The following ROBO2 variants were observed in gnomAD, a reference collection of about 807,000 sequenced individuals.
The protein encoded by ROBO2 is roundabout homolog 2.
ROBO2 carries 53 observed loss-of-function variants against 160.8 expected under a neutral mutation model. The ratio of observed to expected loss-of-function variants is 0.33; its 90% CI spans 0.26 to 0.41. ROBO2 has a LOEUF of 0.41. ROBO2 is among the 10% of genes least tolerant of loss of function. The pLI is 1.00. For synonymous variants in ROBO2, 664 were observed against 611.7 expected, an observed-to-expected ratio of 1.09 and a Z score of -1.26; for missense variants, 1,577 against 1,722.4, an observed-to-expected ratio of 0.92 and a Z score of 1.49.
chr3:77,255,135 A>T (rs1006266895), intron 2 of ROBO2, among the ~76,000 whole-genome samples: 1 of 152,238 alleles, frequency 6.6e-6, no homozygotes, highest in Non-Finnish European at 1.5e-5. Flanking sequence ...GGACAGAGAA[A>T]TGTAAGGTTA....
intron 2 of ROBO2, among the ~76,000 whole-genome samples, chr3:76,631,044 A>G (rs958661764): frequency 6.6e-6 from 1 of 152,206 alleles, no homozygotes; most frequent in Non-Finnish European, 1.5e-5. Context: ...CTTTCAGCAA[A>G]GAGTTAATGG....
intron 2 of ROBO2, among the ~76,000 whole-genome samples, chr3:76,789,851 A>G (rs1272238876): frequency 6.6e-6 from 1 of 151,656 alleles, no homozygotes; most frequent in Non-Finnish European, 1.5e-5. Context: ...CCATGAGGAA[A>G]CTTTTTATTC....
chr3:75,939,730 T>G (rs1455644237), intron 2 of ROBO2, among the ~76,000 whole-genome samples: 3 of 152,158 alleles, frequency 2.0e-5, no homozygotes, highest in Non-Finnish European at 2.9e-5. Flanking sequence ...ATCATTTAGA[T>G]CAATAAGCCT....
intron 2 of ROBO2, among the ~76,000 whole-genome samples, chr3:77,211,729 T>A (rs1483363198): frequency 6.6e-6 from 1 of 152,222 alleles, no homozygotes; most frequent in African/African-American, 2.4e-5. Flanking sequence ...AAGTCTTTAA[T>A]CCCTCTTGAA....
chr3:76,384,192 T>C (rs1253165780), intron 2 of ROBO2, among the ~76,000 whole-genome samples: 1 of 152,244 alleles, frequency 6.6e-6, no homozygotes, highest in East Asian at 1.9e-4. Flanking sequence ...AGTGGTTTTC[T>C]TGTAATTATT....
At chr3:76,772,301 C>G (rs2061954474) in intron 2 of ROBO2, among the ~76,000 whole-genome samples, 1 of 150,690 alleles carries the variant, frequency 6.6e-6, no homozygotes, top group Non-Finnish European at 1.5e-5. Flanking sequence ...AGAGTGCTTT[C>G]TCAATATGTT....
intron 2 of ROBO2, among the ~76,000 whole-genome samples, chr3:76,470,074 T>A (rs2078576735): frequency 6.6e-6 from 1 of 152,188 alleles, no homozygotes; most frequent in African/African-American, 2.4e-5. Context: ...ATTGTATGTC[T>A]TATTATCTCT....
At chr3:76,479,117 A>G (rs2079083263) in intron 2 of ROBO2, among the ~76,000 whole-genome samples, 1 of 152,170 alleles carries the variant, frequency 6.6e-6, no homozygotes, top group South Asian at 2.1e-4. Flanking sequence ...ATCCTTTCAC[A>G]TATCTTAACA....
At chr3:77,063,399 A>T (rs2066518949) in intron 1 of ROBO2, among the ~76,000 whole-genome samples, 1 of 152,316 alleles carries the variant, frequency 6.6e-6, no homozygotes, top group African/African-American at 2.4e-5. Flanking sequence ...ACAGGAGCAA[A>T]GTGTGTGAAA....
chr3:75,920,282 A>G (rs1248953232), intron 1 of ROBO2, among the ~76,000 whole-genome samples: 1 of 152,126 alleles, frequency 6.6e-6, no homozygotes. Context: ...TAATTTTGCT[A>G]TTTACCCAGT....
At chr3:76,599,170 C>T (rs1402979795) in intron 2 of ROBO2, among the ~76,000 whole-genome samples, 1 of 152,154 alleles carries the variant, frequency 6.6e-6, no homozygotes, top group Non-Finnish European at 1.5e-5. Context: ...TTTCATCACC[C>T]ATGTACTAAG....
intron 2 of ROBO2, among the ~76,000 whole-genome samples, chr3:76,038,656 A>G (rs1576591273): frequency 6.6e-6 from 1 of 151,802 alleles, no homozygotes; most frequent in Non-Finnish European, 1.5e-5. Flanking sequence ...GCTTCTCTCT[A>G]CTTTCCTAGC....
intron 2 of ROBO2, among the ~76,000 whole-genome samples, chr3:76,374,275 A>C (rs567716116): frequency 1.3e-5 from 2 of 152,118 alleles, no homozygotes; most frequent in South Asian, 4.1e-4. Context: ...GAAATCTGAA[A>C]TCTCCTCTCT....
intron 2 of ROBO2, among the ~76,000 whole-genome samples, chr3:77,385,007 G>C (rs894877349): frequency 6.6e-6 from 1 of 151,986 alleles, no homozygotes; most frequent in Non-Finnish European, 1.5e-5. Flanking sequence ...AAATATGAAG[G>C]GTTTTTTGTT....
intron 2 of ROBO2, among the ~76,000 whole-genome samples, chr3:76,065,400 A>G (rs1018504957): frequency 3.3e-5 from 5 of 152,106 alleles, no homozygotes; most frequent in African/African-American, 4.8e-5. Flanking sequence ...ATATGATTCA[A>G]AAATCATTTG....
chr3:76,727,459 A>C (rs1175761706), intron 2 of ROBO2, among the ~76,000 whole-genome samples: 5 of 152,154 alleles, frequency 3.3e-5, no homozygotes, highest in African/African-American at 9.7e-5. Context: ...TTTTATTTTC[A>C]TTCATTCAAC....
At chr3:76,506,423 T>C (rs1011651247) in intron 2 of ROBO2, among the ~76,000 whole-genome samples, 32 of 152,304 alleles carry the variant, frequency 2.1e-4, no homozygotes, top group African/African-American at 7.5e-4. Context: ...CATCCTTCAA[T>C]GTATCCTTCG....
chr3:76,870,133 T>C (rs1218666586), intron 2 of ROBO2, among the ~76,000 whole-genome samples: 1 of 152,184 alleles, frequency 6.6e-6, no homozygotes, highest in African/African-American at 2.4e-5. Context: ...CTACTAGAAT[T>C]TGCAAATTTT....
chr3:76,747,607 T>C (rs1327237048), intron 2 of ROBO2, among the ~76,000 whole-genome samples: 1 of 152,006 alleles, frequency 6.6e-6, no homozygotes, highest in Non-Finnish European at 1.5e-5. Context: ...TAAAATATAG[T>C]TAAGAATTTT....
Sources: allele counts gnomAD v4.1 joint callset (sites outside exome capture counted in the v4.1 genomes callset), GRCh38; gene constraint gnomAD v4.1.1; transcripts MANE v1.5; gene names NCBI Gene and HGNC (gene_info 2026-07-23, HGNC 2026-07-21).